Variants in DMD observed in about 807,000 individuals in gnomAD.
The protein encoded by DMD is dystrophin, also known as mutant dystrophin.
A neutral mutation model predicts 330.1 loss-of-function variants in DMD; 63 were observed. That is an observed-to-expected ratio of 0.19 (90% CI 0.16 to 0.24). The LOEUF (loss-of-function observed/expected upper bound fraction) is 0.24. DMD is among the 10% of genes least tolerant of loss of function. The pLI, the probability that DMD is intolerant of heterozygous loss-of-function variation, is 1.00. For synonymous variants in DMD, 1,223 were observed against 959.8 expected, an observed-to-expected ratio of 1.27 and a Z score of -5.07; for missense variants, 3,344 against 2,684.1, an observed-to-expected ratio of 1.25 and a Z score of -5.43.
intron 7 of DMD, among the ~76,000 whole-genome samples, chrX:32,746,239 A>G (rs1246131224): frequency 8.9e-6 from 1 of 112,167 alleles, no homozygotes; most frequent in Non-Finnish European, 1.9e-5. Context: ...TTACTCAAAG[A>G]CGTTCTATCT....
At chrX:31,844,299 ATT>A (rs35743535) in intron 48 of DMD, among the ~76,000 whole-genome samples, 1,148 of 97,071 alleles carry the variant, frequency 0.012, 13 homozygotes, top group African/African-American at 0.039. Context: ...TCCTTTCCCC[ATT>A]TTTTTTTTTT....
intron 21 of DMD, among the ~76,000 whole-genome samples, chrX:32,484,074 A>C (rs2042188434): frequency 9.0e-6 from 1 of 111,043 alleles, no homozygotes; most frequent in African/African-American, 3.3e-5. Context: ...TTTGGGACAG[A>C]GATTTTTTCA....
intron 45 of DMD, among the ~76,000 whole-genome samples, chrX:31,935,267 C>G (rs1354844494): frequency 2.4e-4 from 27 of 111,940 alleles, no homozygotes; most frequent in Admixed American, 2.4e-3. Flanking sequence ...AGCTTACTAC[C>G]CCTTCCTACC....
At chrX:31,585,139 G>A (rs1175019975) in intron 55 of DMD, among the ~76,000 whole-genome samples, 1 of 108,627 alleles carries the variant, frequency 9.2e-6, no homozygotes, top group Non-Finnish European at 1.9e-5. Flanking sequence ...CTAGGCAACT[G>A]GTGAAACCCC....
At chrX:32,606,086 C>T (rs2149313986) in intron 12 of DMD, among the ~76,000 whole-genome samples, 1 of 110,250 alleles carries the variant, frequency 9.1e-6, no homozygotes, top group African/African-American at 3.3e-5. Context: ...TTATTATTGA[C>T]CATAGTTACT....
At chrX:33,068,841 T>A (rs540059196) in intron 1 of DMD, among the ~76,000 whole-genome samples, 1 of 112,293 alleles carries the variant, frequency 8.9e-6, no homozygotes, top group African/African-American at 3.2e-5. Context: ...CATTACAGCT[T>A]TGTGAAACAA....
intron 52 of DMD, among the ~76,000 whole-genome samples, chrX:31,721,419 G>C (rs1018542039): frequency 2.2e-4 from 24 of 109,872 alleles, no homozygotes; most frequent in African/African-American, 7.3e-4. Context: ...GTCCTTAAGA[G>C]AAAAGACTGA....
At chrX:33,030,444 C>T (rs73621868) in intron 1 of DMD, among the ~76,000 whole-genome samples, 8,424 of 111,441 alleles carry the variant, frequency 0.076, 675 homozygotes, top group African/African-American at 0.24. Flanking sequence ...TTCTGTGGTG[C>T]ATTATAATTT....
chrX:32,409,000 A>G (rs2098131276), intron 30 of DMD, among the ~76,000 whole-genome samples: 1 of 109,351 alleles, frequency 9.1e-6, no homozygotes, highest in South Asian at 3.9e-4. Context: ...TGGATCCTTC[A>G]TCTTACACAC....
intron 12 of DMD, among the ~76,000 whole-genome samples, 155 bp from the exon 13 acceptor site, chrX:32,596,031 G>A (rs1443361359): frequency 8.9e-6 from 1 of 111,905 alleles, no homozygotes; most frequent in African/African-American, 3.2e-5. Flanking sequence ...TTTCTGCTAT[G>A]ACGCTCAGCA....
At chrX:32,771,235 CATT>C (rs1277757152) in intron 7 of DMD, among the ~76,000 whole-genome samples, 1 of 111,928 alleles carries the variant, frequency 8.9e-6, no homozygotes, top group Non-Finnish European at 1.9e-5. Flanking sequence ...TACATCTAAA[CATT>C]TTTTGGAAGG....
intron 78 of DMD, among the ~76,000 whole-genome samples, chrX:31,124,245 C>G (rs970399931): frequency 2.7e-5 from 3 of 111,907 alleles, no homozygotes; most frequent in African/African-American, 9.7e-5. Context: ...TATATTATGC[C>G]TTTGGTTACT....
intron 44 of DMD, among the ~76,000 whole-genome samples, chrX:32,157,537 G>A (rs2096835007): frequency 8.9e-6 from 1 of 111,930 alleles, no homozygotes; most frequent in African/African-American, 3.3e-5. Context: ...AAATTTGATA[G>A]AGCCTGGTAC....
intron 60 of DMD, among the ~76,000 whole-genome samples, chrX:31,384,189 C>A (rs745377697): frequency 8.9e-6 from 1 of 111,746 alleles, no homozygotes; most frequent in Non-Finnish European, 1.9e-5. Flanking sequence ...ACCTGTGCTT[C>A]CTCTCCCATG....
chrX:32,243,381 T>C (rs1603628987), intron 43 of DMD, among the ~76,000 whole-genome samples: 2 of 111,802 alleles, frequency 1.8e-5, no homozygotes, highest in South Asian at 7.5e-4. Flanking sequence ...TCCTGTGATA[T>C]TTACTGGCTC....
At chrX:31,483,040 C>CTTTTTTTTTTTTTTTT (rs375059694) in intron 57 of DMD, among the ~76,000 whole-genome samples, 1 of 70,738 alleles carries the variant, frequency 1.4e-5, no homozygotes, top group African/African-American at 5.2e-5. Flanking sequence ...GGAAATGGAT[C>CTTTTTTTTTTTTTTTT]TTTTTTTTTT....
rs781541781 is a variant in DMD, at chrX:31,602,742, A to G, written c.8217+24931T>C. On this transcript the variant is annotated intron_variant, in intron 55 of 78. Coordinates refer to ENST00000357033, the MANE Select transcript of DMD (RefSeq NM_004006.3). Reference sequence around the variant, plus strand: ...CTGACGGTTGTTCCTAAGCTTTAGTATAACTTCAAAGATGAGGGTATGAAA... The same window carrying G: ...CTGACGGTTGTTCCTAAGCTTTAGTGTAACTTCAAAGATGAGGGTATGAAA... Among the ~76,000 whole-genome samples the G allele has an allele frequency of 2.7e-5, 3 of 111,969 alleles. No individual in the cohort carries two copies. In the East Asian group the frequency reaches 8.5e-4, roughly 32 times the overall value.
At chrX:32,290,036 C>A (rs1055392884) in intron 42 of DMD, among the ~76,000 whole-genome samples, 3 of 111,754 alleles carry the variant, frequency 2.7e-5, no homozygotes, top group African/African-American at 9.8e-5. Context: ...CCTACCATTC[C>A]AAGCTCATCT....
Position 32,468,613 on chromosome X carries a change from C to T in DMD, c.3047G>A (p.Arg1016Gln), listed in dbSNP as rs139772014. ...MSKKAPSEIS[R>Q]KYQSEFEEIE... Reference sequence around the variant, plus strand: ...TTCTTCAAATTCTGATTGATATTTCCGGCTAATTTCAGAGGGCGCTTTCTT... The same window carrying T: ...TTCTTCAAATTCTGATTGATATTTCTGGCTAATTTCAGAGGGCGCTTTCTT... Residue 1016 changes from arginine (R) to glutamine (Q), a missense_variant, in exon 23 of 79, where the codon CGG becomes CAG. Transcript: ENST00000357033. 74 of 1,208,870 alleles carry T rather than the reference C, an allele frequency of 6.1e-5. 1 individual carries two copies. The highest frequency in any genetic ancestry group is 4.6e-4 in the South Asian group (26 of 56,772).
Sources: allele counts gnomAD v4.1 joint callset (sites outside exome capture counted in the v4.1 genomes callset), GRCh38; gene constraint gnomAD v4.1.1; transcripts MANE v1.5; gene names NCBI Gene and HGNC (gene_info 2026-07-23, HGNC 2026-07-21).